The following OAT variants were observed in gnomAD, a reference collection of about 807,000 sequenced individuals.
OAT encodes the protein ornithine aminotransferase.
OAT carries 35 observed loss-of-function variants against 48.4 expected under a neutral mutation model. The ratio of observed to expected loss-of-function variants is 0.72; its 90% confidence interval spans 0.55 to 0.96. The LOEUF (loss-of-function observed/expected upper bound fraction) is 0.96, where lower values mean the gene tolerates loss of function less well. OAT is among the 40% of genes least tolerant of loss of function. OAT has a pLI of 0.00. For synonymous variants in OAT, 182 were observed against 198.4 expected (o/e 0.92, Z 0.70); for missense variants, 438 against 537.9 (o/e 0.81, Z 1.84).
chr10:124,403,116 C>A (rs1421374178), intron 6 of OAT, 61 bp from the exon 7 acceptor site: 3 of 1,575,786 alleles, frequency 1.9e-6, no homozygotes, highest in Non-Finnish European at 2.6e-6. Context: ...GGAAAATAGC[C>A]ATCCTTATTT....
intron 2 of OAT, 50 bp from the exon 3 acceptor site, chr10:124,409,015 T>TG: frequency 6.9e-7 from 1 of 1,446,146 alleles, no homozygotes; most frequent in Non-Finnish European, 9.6e-7. Flanking sequence ...CTATACGGCA[T>TG]AAAGTCCAAA....
chr10:124,412,231 T>A (rs769233699), intron 1 of OAT, 31 bp from the exon 2 acceptor site: 304 of 1,514,406 alleles, frequency 2.0e-4, no homozygotes, highest in Non-Finnish European at 2.7e-4. Flanking sequence ...GCATTAAGAG[T>A]GAGAATCCTT....
intron 5 of OAT, among the ~76,000 whole-genome samples, chr10:124,404,270 C>CT (rs1951507058): frequency 1.4e-5 from 2 of 138,384 alleles, no homozygotes; most frequent in African/African-American, 2.6e-5. Flanking sequence ...TATTTATTTT[C>CT]ATTTTTTTTT....
intron 4 of OAT, 81 bp downstream of exon 4, chr10:124,408,461 C>T (rs1013565435): frequency 2.4e-6 from 3 of 1,263,276 alleles, no homozygotes; most frequent in Non-Finnish European, 3.4e-6. Flanking sequence ...GCTAGGATTA[C>T]AGGCATGAGC....
At chr10:124,412,317 C>A (rs958199583) in intron 1 of OAT, 117 bp from the exon 2 acceptor site, 16 of 771,274 alleles carry the variant, frequency 2.1e-5, no homozygotes, top group Middle Eastern at 3.7e-4. Flanking sequence ...TTGAGACCAG[C>A]CTGGGCAACA....
intron 9 of OAT, among the ~76,000 whole-genome samples, chr10:124,399,287 G>C (rs1224867369): frequency 6.6e-6 from 1 of 150,914 alleles, no homozygotes; most frequent in Non-Finnish European, 1.5e-5. Flanking sequence ...CAGAATCCCT[G>C]GGGTAAGGCC....
At position 124,403,787 on chromosome 10, in the gene OAT, A is replaced by AACGTGAC; in HGVS notation, c.771+4_771+10dup. ...ACATTCAGCCTTATCACAAACAGCT[A>AACGTGAC]ACGTGACAACCTGGTGCCTGGTGCA... On this transcript the variant is annotated intron_variant, in intron 6 of 9. Transcript: ENST00000368845. 6.2e-7 allele frequency: 1 copy of AACGTGAC among 1,614,090 alleles called. No individual in the cohort carries two copies.
At chr10:124,415,660 G>A (rs1490172651) in intron 1 of OAT, among the ~76,000 whole-genome samples, 1 of 152,200 alleles carries the variant, frequency 6.6e-6, no homozygotes, top group Admixed American at 6.5e-5. Context: ...TCAAAACCGG[G>A]AGAATCAAGC....
chr10:124,408,912 A>C lies in OAT; in HGVS notation c.253T>G (p.Tyr85Asp). The part of the protein sequence containing the change: ...GRKYFDFLSS[Y>D]SAVNQGHCHP... ...CAATGCCCTTGGTTGACAGCACTGT[A>C]AGAACTCAGGAAGTCAAAATATTTT... Residue 85 changes from tyrosine (Y) to aspartate (D), a missense_variant, in exon 3 of 10, where the codon TAC becomes GAC. Transcript: ENST00000368845. 1.9e-6 allele frequency: 3 copies of C among 1,614,096 alleles called. No individual in the cohort carries two copies. In the South Asian group the frequency reaches 3.3e-5, roughly 18 times the overall value.
At chr10:124,413,639 C>T (rs572552250) in intron 1 of OAT, among the ~76,000 whole-genome samples, 59 of 152,256 alleles carry the variant, frequency 3.9e-4, no homozygotes, top group Middle Eastern at 3.4e-3. Flanking sequence ...GCCAAGACTG[C>T]GCATTGCACT....
chr10:124,408,473 A>G, intron 4 of OAT, 69 bp downstream of exon 4: 3 of 1,363,780 alleles, frequency 2.2e-6, no homozygotes, highest in Non-Finnish European at 3.1e-6. Context: ...GGCATGAGCC[A>G]CCATGCCTGG....
intron 6 of OAT, among the ~76,000 whole-genome samples, chr10:124,403,499 C>T (rs921800960): frequency 6.6e-6 from 1 of 152,116 alleles, no homozygotes; most frequent in Non-Finnish European, 1.5e-5. Flanking sequence ...TGCGGGGGCT[C>T]AGAGTGAAAG....
At chr10:124,401,099 TTA>T in intron 8 of OAT, 115 bp from the exon 9 acceptor site, 1 of 670,446 alleles carries the variant, frequency 1.5e-6, no homozygotes, top group South Asian at 1.8e-5. Context: ...CCAGAGGAAC[TTA>T]ACTTTCATTG....
intron 1 of OAT, among the ~76,000 whole-genome samples, chr10:124,416,782 A>G (rs1341280162): frequency 1.3e-5 from 2 of 152,138 alleles, no homozygotes; most frequent in African/African-American, 4.8e-5. Flanking sequence ...CACTTAAAAT[A>G]TTCAACTTGA....
intron 6 of OAT, 145 bp downstream of exon 6, chr10:124,403,653 C>A: frequency 8.7e-7 from 1 of 1,149,012 alleles, no homozygotes. Flanking sequence ...CTTAGAATGC[C>A]ATCGCCCTCT....
rs952840074 is a variant in OAT, at chr10:124,397,346, G to A, written c.*596C>T. The A allele has an allele frequency of 1.1e-4, 17 of 152,244 alleles. No homozygotes were observed. In the East Asian group the frequency reaches 2.7e-3, roughly 24 times the overall value. The allele number at this position is 152,244 out of a possible 1,614,324, so 9.4% of individuals were successfully genotyped here. ...TTTATTTTAAATTTAAAGAAGTATTGAAAATAAACATTTTTTACAAATTAT... is the reference window on the plus strand; with the variant it reads ...TTTATTTTAAATTTAAAGAAGTATTAAAAATAAACATTTTTTACAAATTAT... On this transcript the variant is annotated 3_prime_UTR_variant, in exon 10 of 10. Coordinates refer to ENST00000368845, the MANE Select transcript of OAT (RefSeq NM_000274.4).
chr10:124,411,710 G>A (rs1804569411), intron 2 of OAT, among the ~76,000 whole-genome samples: 1 of 152,000 alleles, frequency 6.6e-6, no homozygotes. Context: ...CAGCTACTCA[G>A]GAGGCTGAGG....
intron 1 of OAT, among the ~76,000 whole-genome samples, chr10:124,412,843 G>A (rs1469176156): frequency 6.6e-6 from 1 of 152,190 alleles, no homozygotes; most frequent in African/African-American, 2.4e-5. Flanking sequence ...TGCACTGTGT[G>A]TTGACTGAGT....
intron 1 of OAT, among the ~76,000 whole-genome samples, chr10:124,416,863 C>G (rs1230098238): frequency 1.4e-5 from 1 of 69,332 alleles, no homozygotes; most frequent in Non-Finnish European, 2.6e-5. Flanking sequence ...AAATACAGGC[C>G]TTTAAAAAAA....
Sources: allele counts gnomAD v4.1 joint callset (sites outside exome capture counted in the v4.1 genomes callset), GRCh38; gene constraint gnomAD v4.1.1; transcripts MANE v1.5; gene names NCBI Gene and HGNC (gene_info 2026-07-23, HGNC 2026-07-21).